CD48: variants seen among roughly 807,000 people sequenced by gnomAD.
CD48 encodes the protein CD48 antigen.
A neutral mutation model predicts 22.0 loss-of-function variants in CD48; 20 were observed. The ratio of observed to expected loss-of-function variants is 0.91; its 90% CI spans 0.64 to 1.32. The LOEUF (loss-of-function observed/expected upper bound fraction) is 1.32, where lower values mean the gene tolerates loss of function less well. Ranked by LOEUF, CD48 falls within the 40% of genes most tolerant of loss-of-function variation. The pLI, the probability that CD48 is intolerant of heterozygous loss-of-function variation, is 0.00. For missense variants in CD48, 307 were observed against 286.5 expected, an observed-to-expected ratio of 1.07 and a Z score of -0.52; for synonymous variants, 110 against 110.1, an observed-to-expected ratio of 1.00 and a Z score of 0.01.
At chr1:160,694,787 C>T (rs1558035227) in intron 1 of CD48, among the ~76,000 whole-genome samples, 1 of 152,056 alleles carries the variant, frequency 6.6e-6, no homozygotes, top group Non-Finnish European at 1.5e-5. Flanking sequence ...CCTCCTAAAC[C>T]CATACCGTTA....
chr1:160,706,095 A>G (rs1295716144), intron 1 of CD48, among the ~76,000 whole-genome samples: 1 of 151,896 alleles, frequency 6.6e-6, no homozygotes, highest in African/African-American at 2.4e-5. Flanking sequence ...AATTTTTTTT[A>G]TGGAGTTTCA....
intron 1 of CD48, among the ~76,000 whole-genome samples, chr1:160,694,128 G>A (rs943052445): frequency 6.6e-6 from 1 of 152,256 alleles, no homozygotes; most frequent in Non-Finnish European, 1.5e-5. Context: ...GACTATAAAG[G>A]TGAAATTCAA....
chr1:160,680,165 C>T (rs1465976009), intron 3 of CD48, among the ~76,000 whole-genome samples: 3 of 152,154 alleles, frequency 2.0e-5, no homozygotes, highest in Admixed American at 6.5e-5. Context: ...TGACAGGGGT[C>T]ACAGGTGAAT....
At chr1:160,705,334 A>G (rs774497285) in intron 1 of CD48, among the ~76,000 whole-genome samples, 1 of 152,158 alleles carries the variant, frequency 6.6e-6, no homozygotes, top group Non-Finnish European at 1.5e-5. Context: ...AATAAGTTCA[A>G]CCCTCATACA....
intron 1 of CD48, among the ~76,000 whole-genome samples, chr1:160,706,576 G>A (rs1004690391): frequency 1.3e-5 from 2 of 152,138 alleles, no homozygotes; most frequent in African/African-American, 4.8e-5. Flanking sequence ...TTTTTAGGAA[G>A]TAGCTGAAGC....
chr1:160,683,817 G>T (rs981371993), intron 2 of CD48: 3 of 152,094 alleles, frequency 2.0e-5, no homozygotes. Context: ...ATATGATGAA[G>T]AACCCAAGGC....
chr1:160,708,691 A>T (rs1036264143), intron 1 of CD48, among the ~76,000 whole-genome samples: 4 of 152,180 alleles, frequency 2.6e-5, no homozygotes, highest in Non-Finnish European at 4.4e-5. Context: ...GGTGGGGAAC[A>T]GTGGAGGAGC....
rs778835247 is a variant in CD48, at chr1:160,679,069, C to T, written c.715G>A (p.Gly239Ser). The change falls in exon 4 of 4, where the codon GGC becomes AGC. Residue 239 changes from glycine (G) to serine (S), a missense_variant. Gly to Ser is a moderately conservative substitution (Grantham distance 56). Transcript: ENST00000368046. ...AGCTCATCTCAGGTAAGTAACAGGC[C>T]AAGAATGGTGGGCACCGTGACCACT... ...WLVVTVPTIL[G>S]LLLT 6.2e-7 allele frequency: 1 copy of T among 1,613,914 alleles called. No homozygotes were observed. The highest frequency in any genetic ancestry group is 8.5e-7 in the Non-Finnish European group (1 of 1,179,866).
At chr1:160,682,993 G>T (rs1661863345) in intron 2 of CD48, among the ~76,000 whole-genome samples, 1 of 152,190 alleles carries the variant, frequency 6.6e-6, no homozygotes, top group Admixed American at 6.5e-5. Context: ...TGTGTGGAGA[G>T]GCTCTAGAAG....
At chr1:160,682,683 C>T (rs1571048890) in intron 2 of CD48, among the ~76,000 whole-genome samples, 1 of 152,094 alleles carries the variant, frequency 6.6e-6, no homozygotes, top group Non-Finnish European at 1.5e-5. Flanking sequence ...TCTACCTCAT[C>T]GCGCAATGTT....
chr1:160,708,896 C>T (rs1280614699), intron 1 of CD48, among the ~76,000 whole-genome samples: 1 of 152,090 alleles, frequency 6.6e-6, no homozygotes, highest in Admixed American at 6.5e-5. Flanking sequence ...CAGCATTTGC[C>T]TATTTCTCTT....
chr1:160,697,323 C>G (rs1369991821), intron 1 of CD48, among the ~76,000 whole-genome samples: 1 of 152,308 alleles, frequency 6.6e-6, no homozygotes. Flanking sequence ...AGCGCCTCCA[C>G]GGAGATGGTA....
At chr1:160,709,904 T>A (rs1182308847) in intron 1 of CD48, among the ~76,000 whole-genome samples, 2 of 152,154 alleles carry the variant, frequency 1.3e-5, no homozygotes, top group Non-Finnish European at 2.9e-5. Flanking sequence ...CACCAAGCAA[T>A]TCACAAACCA....
chr1:160,702,770 C>T (rs1247732672), intron 1 of CD48, among the ~76,000 whole-genome samples: 1 of 152,140 alleles, frequency 6.6e-6, no homozygotes, highest in Non-Finnish European at 1.5e-5. Context: ...GATCCAATGC[C>T]TTCACAAGCT....
intron 1 of CD48, among the ~76,000 whole-genome samples, chr1:160,700,573 A>G (rs1445896487): frequency 6.6e-6 from 1 of 152,146 alleles, no homozygotes; most frequent in East Asian, 1.9e-4. Context: ...AAATGGCTGT[A>G]CTCTAGATAA....
chr1:160,681,753 G>A (rs1372282602), intron 2 of CD48, among the ~76,000 whole-genome samples: 1 of 152,180 alleles, frequency 6.6e-6, no homozygotes, highest in East Asian at 1.9e-4. Context: ...ATGATCGTGT[G>A]TGAGCCTGAA....
intron 1 of CD48, among the ~76,000 whole-genome samples, chr1:160,687,152 G>T (rs563303963): frequency 6.6e-6 from 1 of 152,076 alleles, no homozygotes; most frequent in South Asian, 2.1e-4. Flanking sequence ...AGAACTCAGC[G>T]ATATTTCTCC....
At chr1:160,709,307 A>G (rs549286021) in intron 1 of CD48, among the ~76,000 whole-genome samples, 8 of 152,268 alleles carry the variant, frequency 5.3e-5, no homozygotes, top group African/African-American at 1.9e-4. Context: ...CCAGGTTTTC[A>G]TCTGTATCGG....
chr1:160,687,945 G>A (rs989597311), intron 1 of CD48, among the ~76,000 whole-genome samples: 1 of 152,178 alleles, frequency 6.6e-6, no homozygotes, highest in Admixed American at 6.5e-5. Context: ...TACCTAGAAG[G>A]TGTCCTTTGA....
Sources: gnomAD v4.1 joint callset for allele counts (sites outside exome capture counted in the v4.1 genomes callset) on GRCh38, gnomAD v4.1.1 for gene constraint, MANE v1.5 for transcripts, NCBI Gene and HGNC (gene_info 2026-07-23, HGNC 2026-07-21) for gene names.